Variants in ADRB3 observed in about 807,000 individuals in gnomAD.
The protein encoded by ADRB3 is beta-3 adrenergic receptor.
In ADRB3, 33 loss-of-function variants were observed where a neutral mutation model predicts 23.8. That is an observed-to-expected ratio of 1.38 (90% CI 1.05 to 1.85). The LOEUF is 1.85. Among genes scored for constraint, ADRB3 ranks in the 40% most tolerant of loss-of-function variants. The pLI, the probability that ADRB3 is intolerant of heterozygous loss-of-function variation, is 0.00. For missense variants in ADRB3, 600 were observed against 579.6 expected, an observed-to-expected ratio of 1.04 and a Z score of -0.36; for synonymous variants, 289 against 273.0, an observed-to-expected ratio of 1.06 and a Z score of -0.58.
Position 37,966,570 on chromosome 8 carries a change from C to T in ADRB3, c.-101G>A, listed in dbSNP as rs919006665. 2 of 1,459,060 alleles carry T rather than the reference C, an allele frequency of 1.4e-6. No individual in the cohort carries two copies. Among genetic ancestry groups the T allele is most frequent in the East Asian group, 2.5e-5 (1 of 40,246 alleles). 90.4% of individuals were successfully genotyped at this position (1,459,060 alleles called of 1,614,324 possible). On this transcript the variant is annotated 5_prime_UTR_variant, in exon 1 of 2. Transcript: ENST00000345060. Reference sequence around the variant, plus strand: ...ACAGCAAGGCATGAGAGCGACTTCCCCAGCCTGGGCCATCTTCTCTAGCTG... The same window carrying T: ...ACAGCAAGGCATGAGAGCGACTTCCTCAGCCTGGGCCATCTTCTCTAGCTG...
chr8:37,964,643 T>A (rs1232508741), intron 1 of ADRB3, among the ~76,000 whole-genome samples: 2 of 152,060 alleles, frequency 1.3e-5, no homozygotes, highest in Non-Finnish European at 2.9e-5. Context: ...AAACCAAAAC[T>A]AGAGCCGACC....
chr8:37,965,777 A>G lies in ADRB3; in HGVS notation c.693T>C (p.Ala231=), dbSNP rs1171523931. The change falls in exon 1 of 2, where the codon GCT becomes GCC. Residue 231 remains alanine (A), a synonymous_variant. Coordinates refer to ENST00000345060, the MANE Select transcript of ADRB3 (RefSeq NM_000025.3). The stretch of plus-strand genomic sequence containing the variant: ...CGCGCAGCAAGCGCAGCTGGCGCGT[A>G]GCCACCACGAAAACCCGCGCGTAGA... ...LFVYARVFVV[A]TRQLRLLRGE... is the part of the protein sequence containing the mutation. The G allele has an allele frequency of 6.4e-7, 1 of 1,551,398 alleles. No homozygotes were observed. The highest frequency in any genetic ancestry group is 2.0e-5 in the Admixed American group (1 of 51,020).
Position 37,965,892 on chromosome 8 carries a change from G to C in ADRB3, c.578C>G (p.Pro193Arg), listed in dbSNP as rs200163984. Residue 193 changes from proline (P) to arginine (R), a missense_variant, in exon 1 of 2, where the codon CCG becomes CGG. Coordinates refer to ENST00000345060, the MANE Select transcript of ADRB3 (RefSeq NM_000025.3). Reference protein sequence around the residue: ...DAEAQRCHSNPRCCAFASNMP... With the variant: ...DAEAQRCHSNRRCCAFASNMP... ...GTTGGAGGCGAAGGCACAGCAGCGC[G>C]GGTTGGAGTGGCAGCGCTGCGCCTC... The C allele has an allele frequency of 2.6e-6, 4 of 1,552,876 alleles. No individual in the cohort carries two copies. Among genetic ancestry groups the C allele is most frequent in the Non-Finnish European group, 8.7e-7 (1 of 1,147,550 alleles).
At position 37,966,237 on chromosome 8, in the gene ADRB3, G is replaced by A. The variant is rs1353983568; in HGVS notation, c.233C>T (p.Ser78Leu). The stretch of plus-strand genomic sequence containing the variant: ...CATCACCAGGTCGGCTGCGGCCAGC[G>A]AAGTCACGAACACGTTGGTCATGGT... ...LQTMTNVFVT[S>L]LAAADLVMGL... The change falls in exon 1 of 2, where the codon TCG (serine) becomes TTG (leucine). Residue 78 changes from serine to leucine, a missense_variant. Ser to Leu is a moderately radical substitution (Grantham distance 145). Transcript: ENST00000345060. 3.1e-6 allele frequency: 5 copies of A among 1,613,432 alleles called. No homozygotes were observed. The highest frequency in any genetic ancestry group is 4.2e-6 in the Non-Finnish European group (5 of 1,179,804).
At position 37,965,345 on chromosome 8, in the gene ADRB3, G is replaced by C. The variant is rs902405044; in HGVS notation, c.1125C>G (p.Ala375=). Residue 375 remains alanine, a synonymous_variant, in exon 1 of 2, where the codon GCC becomes GCG. Transcript: ENST00000345060. ...RRLPPEPCAA[A]RPALFPSGVP... ...CGCCCGAGGGGAAGAGGGCCGGGCG[G>C]GCGGCGGCGCAGGGCTCCGGAGGCA... 1.3e-6 allele frequency: 2 copies of C among 1,543,002 alleles called. No individual in the cohort carries two copies. Among genetic ancestry groups the C allele is most frequent in the African/African-American group, 1.4e-5 (1 of 72,422 alleles).
At position 37,965,747 on chromosome 8, in the gene ADRB3, C is replaced by T. The variant is rs72549192; in HGVS notation, c.723G>A (p.Glu241=). The change falls in exon 1 of 2, where the codon GAG becomes GAA. Residue 241 remains glutamate (E), a synonymous_variant. Coordinates refer to ENST00000345060, the MANE Select transcript of ADRB3 (RefSeq NM_000025.3). ...ACTCCTCGGGCGGAAAGCGGCCCAGCTCCCCGCGCAGCAAGCGCAGCTGGC... is the reference window on the plus strand; with the variant it reads ...ACTCCTCGGGCGGAAAGCGGCCCAGTTCCCCGCGCAGCAAGCGCAGCTGGC... ...ATRQLRLLRG[E]LGRFPPEESP... The T allele has an allele frequency of 6.4e-7, 1 of 1,550,750 alleles. No individual in the cohort carries two copies. Among genetic ancestry groups the T allele is most frequent in the Non-Finnish European group, 8.7e-7 (1 of 1,146,726 alleles).
intron 1 of ADRB3, 51 bp from the exon 2 acceptor site, chr8:37,964,290 T>G (rs766194379): frequency 6.6e-7 from 1 of 1,517,822 alleles, no homozygotes; most frequent in Non-Finnish European, 9.1e-7. Context: ...GAGCAACAGG[T>G]GCACTGAGGG....
In ADRB3 at chr8:37,966,042, A is replaced by G. The variant is rs953258922; in HGVS notation, c.428T>C (p.Leu143Pro). 5.7e-6 allele frequency: 9 copies of G among 1,589,788 alleles called. No homozygotes were observed. The African/African-American group carries it at 1.1e-4, about 19-fold the overall frequency. ...CTTGGTGACCAGTGCGCCGTAACGCAGCGGGTTGGTCACAGCCAGGTAGCG... is the reference window on the plus strand; with the variant it reads ...CTTGGTGACCAGTGCGCCGTAACGCGGCGGGTTGGTCACAGCCAGGTAGCG... ...VDRYLAVTNPLRYGALVTKRC... is the reference protein window; with the variant it reads ...VDRYLAVTNPPRYGALVTKRC... The change falls in exon 1 of 2, where the codon CTG (leucine) becomes CCG (proline). Residue 143 changes from leucine to proline, a missense_variant. Physicochemically the swap from Leu to Pro is moderately conservative, Grantham distance 98. Coordinates refer to ENST00000345060, the MANE Select transcript of ADRB3 (RefSeq NM_000025.3).
chr8:37,963,156 GAC>G lies in ADRB3; in HGVS notation c.*1060_*1061del, dbSNP rs544651920. ...GCAATGCTTTGTGCCTGTGCCTCCA[GAC>G]ACACACACACACACACACACGCACA... On this transcript the variant is annotated 3_prime_UTR_variant, in exon 2 of 2. Transcript: ENST00000345060. 109 of 147,432 alleles carry G rather than the reference GAC, an allele frequency of 7.4e-4. No individual in the cohort carries two copies. The highest frequency in any genetic ancestry group is 8.4e-4 in the Non-Finnish European group (56 of 66,520). 9.1% of individuals were successfully genotyped at this position (147,432 alleles called of 1,614,324 possible).
At chr8:37,964,357 G>A in intron 1 of ADRB3, 118 bp from the exon 2 acceptor site, 1 of 867,436 alleles carries the variant, frequency 1.2e-6, no homozygotes, top group East Asian at 2.7e-5. Context: ...AAACGCCAGG[G>A]CACCACCCAG....
chr8:37,963,882 C>T lies in ADRB3; in HGVS notation c.*336G>A, dbSNP rs201532286. On this transcript the variant is annotated 3_prime_UTR_variant, in exon 2 of 2. Coordinates refer to ENST00000345060, the MANE Select transcript of ADRB3 (RefSeq NM_000025.3). ...GGCAGAAGGAATGGAACCAGGGGAG[C>T]TCTCTTTGCCCTAAGCACTCACTGA... 4.1e-5 allele frequency: 11 copies of T among 267,020 alleles called. No homozygotes were observed. The highest frequency in any genetic ancestry group is 2.5e-4 in the African/African-American group (11 of 44,804). The allele number at this position is 267,020 out of a possible 1,614,324, so 16.5% of individuals were successfully genotyped here. A position where few individuals can be genotyped will look rare whatever the true frequency, so the allele number is the denominator to read the frequency against.
chr8:37,964,201 C>A lies in ADRB3; in HGVS notation c.*17G>T, dbSNP rs780688299. ...CAGGTTCTGATCAACAGAGTTGTTG[C>A]TTCTTGTCCTTCAGGCCTAAGAAAC... On this transcript the variant is annotated 3_prime_UTR_variant, in exon 2 of 2. Coordinates refer to ENST00000345060, the MANE Select transcript of ADRB3 (RefSeq NM_000025.3). 1 of 1,612,346 alleles carries A rather than the reference C, an allele frequency of 6.2e-7. No homozygotes were observed. The highest frequency in any genetic ancestry group is 1.1e-5 in the South Asian group (1 of 91,002).
rs994820991 is a variant in ADRB3 at position 37,965,672 on chromosome 8, G to A, written c.798C>T (p.Cys266=). 1 of 1,538,160 alleles carries A rather than the reference G, an allele frequency of 6.5e-7. No individual in the cohort carries two copies. The highest frequency in any genetic ancestry group is 1.4e-5 in the African/African-American group (1 of 72,006). The change falls in exon 1 of 2, where the codon TGC becomes TGT. Residue 266 remains cysteine, a synonymous_variant. Transcript: ENST00000345060. ...RSLAPAPVGT[C]APPEGVPACG... is the part of the protein sequence containing the mutation. ...AGGCGGGCACCCCTTCGGGCGGAGC[G>A]CACGTCCCCACCGGGGCCGGGGCCA...
Position 37,966,419 on chromosome 8 carries a change from G to A in ADRB3, c.51C>T (p.Leu17=). 3.7e-6 allele frequency: 6 copies of A among 1,608,012 alleles called. No individual in the cohort carries two copies. Among genetic ancestry groups the A allele is most frequent in the Middle Eastern group, 1.7e-4 (1 of 6,056 alleles). The change falls in exon 1 of 2, where the codon CTC becomes CTT. Residue 17 remains leucine, a synonymous_variant. Coordinates refer to ENST00000345060, the MANE Select transcript of ADRB3 (RefSeq NM_000025.3). ...TGGCGGTATTGGGCGCCAGGGTGGG[G>A]AGGTCCGGCCATGGGGCAAGAGAGC... ...ENSSLAPWPD[L]PTLAPNTANT... is the part of the protein sequence containing the mutation.
rs945844891 is a variant in ADRB3, at chr8:37,965,545, A to G, written c.925T>C (p.Phe309Leu). The G allele has an allele frequency of 6.4e-7, 1 of 1,550,942 alleles. No individual in the cohort carries two copies. Among genetic ancestry groups the G allele is most frequent in the Non-Finnish European group, 8.7e-7 (1 of 1,146,988 alleles). Residue 309 changes from phenylalanine (F) to leucine (L), a missense_variant, in exon 1 of 2, where the codon TTT becomes CTT. By Grantham distance (22) the Phe-to-Leu change is conservative. Transcript: ENST00000345060. Reference sequence around the variant, plus strand: ...AGGGCGCGCAGCACGTTGGCCAGAAAGAAGGGCAACCAGCAGAGAGTGAAG... The same window carrying G: ...AGGGCGCGCAGCACGTTGGCCAGAAGGAAGGGCAACCAGCAGAGAGTGAAG... Reference protein sequence around the residue: ...GTFTLCWLPFFLANVLRALGG... With the variant: ...GTFTLCWLPFLLANVLRALGG...
chr8:37,965,573 GC>G lies in ADRB3; in HGVS notation c.896del (p.Gly299AlafsTer24), dbSNP rs1334999645. ...AGGGCAACCAGCAGAGAGTGAAGGTGCCCATGATGAGACCCAAGGTGCACAG... is the reference window on the plus strand; with the variant it reads ...AGGGCAACCAGCAGAGAGTGAAGGTGCCATGATGAGACCCAAGGTGCACAG... ...RALCTLGLIM[G>X]TFTLCWLPFF... is the part of the protein sequence containing the mutation. On this transcript the variant is annotated frameshift_variant, in exon 1 of 2. Coordinates refer to ENST00000345060, the MANE Select transcript of ADRB3 (RefSeq NM_000025.3). LOFTEE classifies it high-confidence loss of function. 7.1e-6 allele frequency: 11 copies of G among 1,549,966 alleles called. No individual in the cohort carries two copies. Among genetic ancestry groups the G allele is most frequent in the Non-Finnish European group, 8.7e-6 (10 of 1,146,774 alleles).
intron 1 of ADRB3, among the ~76,000 whole-genome samples, chr8:37,964,723 G>T (rs1049626143): frequency 6.6e-6 from 1 of 152,234 alleles, no homozygotes; most frequent in Non-Finnish European, 1.5e-5. Context: ...CTTGAGGCCA[G>T]AAGTTCAAGA....
chr8:37,965,992 G>A lies in ADRB3; in HGVS notation c.478C>T (p.Leu160=), dbSNP rs1031044264. Residue 160 remains leucine (L), a synonymous_variant, in exon 1 of 2, where the codon CTG becomes TTG. Transcript: ENST00000345060. ...TKRCARTAVV[L]VWVVSAAVSF... is the part of the protein sequence containing the mutation. ...ACCGCGGCCGACACGACCCACACCAGGACCACAGCTGTCCGGGCGCAGCGC... is the reference window on the plus strand; with the variant it reads ...ACCGCGGCCGACACGACCCACACCAAGACCACAGCTGTCCGGGCGCAGCGC... The A allele has an allele frequency of 6.4e-7, 1 of 1,573,380 alleles. No homozygotes were observed. Among genetic ancestry groups the A allele is most frequent in the African/African-American group, 1.4e-5 (1 of 73,964 alleles).
At chr8:37,965,063 C>T in intron 1 of ADRB3, 1 of 541,568 alleles carries the variant, frequency 1.8e-6, no homozygotes, top group Non-Finnish European at 3.1e-6. Flanking sequence ...GCTCGCCCTC[C>T]TTTGCTTCTA....
Sources: allele counts gnomAD v4.1 joint callset (sites outside exome capture counted in the v4.1 genomes callset), GRCh38; gene constraint gnomAD v4.1.1; transcripts MANE v1.5; gene names NCBI Gene and HGNC (gene_info 2026-07-23, HGNC 2026-07-21).